The following KCNC2 variants were observed in gnomAD, a reference collection of about 807,000 sequenced individuals.
The protein encoded by KCNC2 is potassium voltage-gated channel subfamily C member 2, also known as voltage-gated potassium channel KCNC2.
A neutral mutation model predicts 44.5 loss-of-function variants in KCNC2; 21 were observed. That is an observed-to-expected ratio of 0.47 (90% CI 0.33 to 0.68). KCNC2 has a LOEUF of 0.68. KCNC2 is among the 30% of genes least tolerant of loss of function. The probability of loss-of-function intolerance (pLI) is 0.01; values close to 1 mark genes in which losing one functional copy is unlikely to be tolerated. For synonymous variants in KCNC2, 391 were observed against 339.1 expected (o/e 1.15, Z -1.68); for missense variants, 589 against 826.2 (o/e 0.71, Z 3.52).
intron 2 of KCNC2, among the ~76,000 whole-genome samples, chr12:75,129,932 C>T (rs1211374102): frequency 6.6e-6 from 1 of 152,124 alleles, no homozygotes; most frequent in Non-Finnish European, 1.5e-5. Flanking sequence ...TGAATAGTTT[C>T]CTAAAGATTA....
At chr12:75,155,317 G>T (rs988421405) in intron 2 of KCNC2, among the ~76,000 whole-genome samples, 1 of 151,754 alleles carries the variant, frequency 6.6e-6, no homozygotes, top group Non-Finnish European at 1.5e-5. Flanking sequence ...ACCTAACTCC[G>T]AGTTAGCTTT....
At chr12:75,143,644 C>T (rs1889814289) in intron 2 of KCNC2, among the ~76,000 whole-genome samples, 1 of 152,158 alleles carries the variant, frequency 6.6e-6, no homozygotes, top group Non-Finnish European at 1.5e-5. Context: ...ATAGAAATCC[C>T]TGACTTTATG....
chr12:75,177,447 T>C (rs375947833), intron 2 of KCNC2, among the ~76,000 whole-genome samples: 6 of 152,110 alleles, frequency 3.9e-5, no homozygotes, highest in African/African-American at 1.4e-4. Context: ...TCAGCCACAA[T>C]AAACAAGAAC....
At chr12:75,093,873 G>T (rs1256114875) in intron 2 of KCNC2, among the ~76,000 whole-genome samples, 3 of 151,774 alleles carry the variant, frequency 2.0e-5, no homozygotes, top group Middle Eastern at 3.4e-3. Flanking sequence ...TCACTAGAAG[G>T]TCCCACTTAC....
At chr12:75,166,627 G>A (rs1891472630) in intron 2 of KCNC2, among the ~76,000 whole-genome samples, 1 of 151,162 alleles carries the variant, frequency 6.6e-6, no homozygotes, top group Non-Finnish European at 1.5e-5. Context: ...GCGATCACAA[G>A]CAATTAACAT....
intron 2 of KCNC2, among the ~76,000 whole-genome samples, chr12:75,164,248 A>G (rs1301669572): frequency 6.6e-6 from 1 of 151,584 alleles, no homozygotes; most frequent in African/African-American, 2.4e-5. Flanking sequence ...TCTCAAGTGT[A>G]TGTGTCGGCT....
At chr12:75,047,761 A>G (rs903988627) in intron 4 of KCNC2, among the ~76,000 whole-genome samples, 1 of 152,128 alleles carries the variant, frequency 6.6e-6, no homozygotes, top group Non-Finnish European at 1.5e-5. Flanking sequence ...ATAGTCATGA[A>G]TTACTCATCA....
At chr12:75,141,604 A>T (rs868739674) in intron 2 of KCNC2, among the ~76,000 whole-genome samples, 2 of 110,282 alleles carry the variant, frequency 1.8e-5, no homozygotes, top group East Asian at 3.1e-4. Flanking sequence ...ATTCCATTTT[A>T]AAAAATTTAT....
intron 4 of KCNC2, among the ~76,000 whole-genome samples, chr12:75,047,497 G>A (rs1451972214): frequency 6.6e-6 from 1 of 152,036 alleles, no homozygotes. Context: ...AACAGTTCAT[G>A]TCTGTTGAAA....
intron 2 of KCNC2, among the ~76,000 whole-genome samples, chr12:75,174,939 A>T (rs918768666): frequency 6.6e-6 from 1 of 152,012 alleles, no homozygotes; most frequent in Non-Finnish European, 1.5e-5. Context: ...AGTTAATACA[A>T]CAAGAATTCC....
At chr12:75,168,415 A>G (rs1891596398) in intron 2 of KCNC2, among the ~76,000 whole-genome samples, 1 of 151,472 alleles carries the variant, frequency 6.6e-6, no homozygotes, top group African/African-American at 2.4e-5. Flanking sequence ...TAAGGCCATA[A>G]AGAAGCTGGA....
intron 2 of KCNC2, among the ~76,000 whole-genome samples, chr12:75,102,449 T>C (rs1886443067): frequency 6.6e-6 from 1 of 152,034 alleles, no homozygotes; most frequent in Non-Finnish European, 1.5e-5. Context: ...CTCAGTAGCA[T>C]TATTATCCAG....
intron 2 of KCNC2, among the ~76,000 whole-genome samples, chr12:75,150,836 A>G (rs889873497): frequency 4.6e-5 from 7 of 151,876 alleles, no homozygotes; most frequent in African/African-American, 1.7e-4. Flanking sequence ...ATATCGTTGC[A>G]AGAATAAAAT....
chr12:75,190,533 C>T (rs2030104112), intron 2 of KCNC2, among the ~76,000 whole-genome samples: 1 of 152,138 alleles, frequency 6.6e-6, no homozygotes. Context: ...TTTGCCTACA[C>T]TTTATTATTT....
At chr12:75,043,799 G>A in intron 4 of KCNC2, 2 of 1,496,416 alleles carry the variant, frequency 1.3e-6, no homozygotes, top group Non-Finnish European at 1.8e-6. Flanking sequence ...AGGATGGAAT[G>A]CCCATTTCTA....
intron 2 of KCNC2, among the ~76,000 whole-genome samples, chr12:75,190,620 T>C (rs2030113743): frequency 6.6e-6 from 1 of 152,198 alleles, no homozygotes; most frequent in Non-Finnish European, 1.5e-5. Flanking sequence ...ATAACTTTCT[T>C]ATGTGAATAC....
At chr12:75,197,621 C>T (rs935759767) in intron 2 of KCNC2, among the ~76,000 whole-genome samples, 11 of 151,988 alleles carry the variant, frequency 7.2e-5, no homozygotes, top group Admixed American at 1.3e-4. Context: ...AGAACATAAC[C>T]TAGTTCTGGC....
chr12:75,046,204 T>G (rs1216003814), intron 4 of KCNC2, among the ~76,000 whole-genome samples: 1 of 151,680 alleles, frequency 6.6e-6, no homozygotes, highest in African/African-American at 2.4e-5. Context: ...TGAATAAATT[T>G]TCAATGATGT....
chr12:75,168,494 T>C (rs966608324), intron 2 of KCNC2, among the ~76,000 whole-genome samples: 16 of 151,490 alleles, frequency 1.1e-4, no homozygotes, highest in African/African-American at 3.4e-4. Context: ...AAAGCTATAA[T>C]TATCAATTGC....
Sources: allele counts gnomAD v4.1 joint callset (sites outside exome capture counted in the v4.1 genomes callset), GRCh38; gene constraint gnomAD v4.1.1; transcripts MANE v1.5; gene names NCBI Gene and HGNC (gene_info 2026-07-23, HGNC 2026-07-21).